Variants in ROBO2 observed in about 807,000 individuals in gnomAD.
The protein encoded by ROBO2 is roundabout homolog 2.
ROBO2 carries 53 observed loss-of-function variants against 160.8 expected under a neutral mutation model. The ratio of observed to expected loss-of-function variants is 0.33; its 90% CI spans 0.26 to 0.41. The LOEUF (loss-of-function observed/expected upper bound fraction) is 0.41. Among genes scored for constraint, ROBO2 ranks in the 10% least tolerant of loss-of-function variants. ROBO2 has a pLI of 1.00. For synonymous variants in ROBO2, 664 were observed against 611.7 expected (o/e 1.09, Z -1.26); for missense variants, 1,577 against 1,722.4 (o/e 0.92, Z 1.49).
chr3:76,725,035 T>G (rs912731334), intron 2 of ROBO2, among the ~76,000 whole-genome samples: 5 of 152,178 alleles, frequency 3.3e-5, no homozygotes, highest in African/African-American at 2.4e-5. Context: ...ATATCCCTGC[T>G]GACAACTTGA....
chr3:77,466,040 T>C (rs1421619580), intron 2 of ROBO2, among the ~76,000 whole-genome samples: 1 of 152,198 alleles, frequency 6.6e-6, no homozygotes, highest in Admixed American at 6.5e-5. Context: ...GAATGTTAAC[T>C]ACTGCATTTG....
intron 2 of ROBO2, among the ~76,000 whole-genome samples, chr3:75,962,882 G>T (rs1948971606): frequency 6.6e-6 from 1 of 151,764 alleles, no homozygotes; most frequent in Non-Finnish European, 1.5e-5. Flanking sequence ...TGTTGTTGTT[G>T]TTGCCGTTTG....
intron 25 of ROBO2, among the ~76,000 whole-genome samples, chr3:77,645,588 C>T (rs2095405026): frequency 6.6e-6 from 1 of 152,138 alleles, no homozygotes; most frequent in Non-Finnish European, 1.5e-5. Flanking sequence ...ATATTTTTAA[C>T]TGCCTCATCA....
chr3:77,115,392 G>A (rs942234244), intron 2 of ROBO2, among the ~76,000 whole-genome samples: 2 of 152,174 alleles, frequency 1.3e-5, no homozygotes, highest in Admixed American at 6.5e-5. Flanking sequence ...ATATATGAGC[G>A]CTATGTCATC....
chr3:77,075,412 G>T (rs948255900), intron 1 of ROBO2, among the ~76,000 whole-genome samples: 2 of 152,056 alleles, frequency 1.3e-5, no homozygotes, highest in Non-Finnish European at 2.9e-5. Flanking sequence ...GACACTACCT[G>T]TTGAGATTAT....
intron 2 of ROBO2, among the ~76,000 whole-genome samples, chr3:77,274,424 A>G (rs772900356): frequency 9.2e-5 from 14 of 152,142 alleles, no homozygotes; most frequent in Non-Finnish European, 1.9e-4. Context: ...TTATTCATGA[A>G]TATAAAATTT....
rs1457938351 is a variant in ROBO2, at chr3:76,689,935, G to A, written c.110-408079G>A. 3.9e-5 allele frequency among the ~76,000 whole-genome samples: 6 copies of A among 152,046 alleles called. No homozygotes were observed. In the South Asian group the frequency reaches 8.3e-4, roughly 21 times the overall value. On this transcript the variant is annotated intron_variant, in intron 2 of 26. Transcript: ENST00000487694. ...TAACCTTCCCTCGGAAATGTATTCC[G>A]TCTTCCATTTTACTCCCTCCTCCTT...
At chr3:76,126,850 A>G (rs2071008389) in intron 2 of ROBO2, among the ~76,000 whole-genome samples, 1 of 152,102 alleles carries the variant, frequency 6.6e-6, no homozygotes, top group African/African-American at 2.4e-5. Context: ...TAGTACCTGG[A>G]ATGGTTGAAG....
At chr3:77,207,636 C>A (rs1172515500) in intron 2 of ROBO2, among the ~76,000 whole-genome samples, 1 of 152,038 alleles carries the variant, frequency 6.6e-6, no homozygotes, top group East Asian at 1.9e-4. Context: ...TGTACAAAAT[C>A]CAAAAGTATT....
intron 2 of ROBO2, among the ~76,000 whole-genome samples, chr3:77,029,846 T>C (rs1431875116): frequency 6.6e-6 from 1 of 152,176 alleles, no homozygotes; most frequent in Non-Finnish European, 1.5e-5. Flanking sequence ...TTAATATACA[T>C]TTTTAAAGAC....
At chr3:77,135,088 T>G (rs774864552) in intron 2 of ROBO2, among the ~76,000 whole-genome samples, 72 of 152,134 alleles carry the variant, frequency 4.7e-4, no homozygotes, top group Non-Finnish European at 7.3e-4. Context: ...TAGATCAGCC[T>G]AGAAGCCCGT....
At chr3:76,821,529 C>G (rs2066118075) in intron 2 of ROBO2, among the ~76,000 whole-genome samples, 1 of 151,912 alleles carries the variant, frequency 6.6e-6, no homozygotes, top group Non-Finnish European at 1.5e-5. Flanking sequence ...AGTTTTTTAA[C>G]TAAAATCTTG....
chr3:75,907,852 CGTGTGTGTGTGTGT>C (rs56058203), intron 1 of ROBO2, among the ~76,000 whole-genome samples: 6 of 148,524 alleles, frequency 4.0e-5, no homozygotes, highest in Admixed American at 6.7e-5. Flanking sequence ...TAATCGTGTG[CGTGTGTGTGTGTGT>C]GTGTGTGTGT....
At chr3:76,209,619 T>A (rs888907837) in intron 2 of ROBO2, among the ~76,000 whole-genome samples, 3 of 151,958 alleles carry the variant, frequency 2.0e-5, no homozygotes, top group Admixed American at 2.0e-4. Flanking sequence ...CATAGGAAGG[T>A]AAGATTGGTG....
At chr3:77,201,469 G>A (rs964738433) in intron 2 of ROBO2, among the ~76,000 whole-genome samples, 5 of 152,080 alleles carry the variant, frequency 3.3e-5, no homozygotes, top group African/African-American at 1.2e-4. Flanking sequence ...TATTTATGAT[G>A]TTACTCTTTG....
intron 2 of ROBO2, among the ~76,000 whole-genome samples, chr3:76,126,931 T>C (rs115499877): frequency 0.011 from 1,616 of 152,298 alleles, 27 homozygotes; most frequent in African/African-American, 0.034. Flanking sequence ...ACTGAGTTTC[T>C]GCTTAATATC....
At chr3:77,387,369 A>G (rs905772929) in intron 2 of ROBO2, among the ~76,000 whole-genome samples, 5 of 151,766 alleles carry the variant, frequency 3.3e-5, no homozygotes, top group Non-Finnish European at 7.4e-5. Flanking sequence ...AAAAAGAAAG[A>G]AAGAGAAGAA....
At chr3:77,555,098 A>G (rs1467328555) in intron 8 of ROBO2, among the ~76,000 whole-genome samples, 2 of 151,998 alleles carry the variant, frequency 1.3e-5, no homozygotes, top group African/African-American at 4.8e-5. Flanking sequence ...TCCATCACCA[A>G]AAAGATTACC....
At chr3:77,393,389 G>A (rs1029806879) in intron 2 of ROBO2, among the ~76,000 whole-genome samples, 12 of 151,966 alleles carry the variant, frequency 7.9e-5, no homozygotes, top group Admixed American at 3.9e-4. Flanking sequence ...TAAAACTTCC[G>A]GAAGACAAAG....
Sources: gnomAD v4.1 joint callset for allele counts (sites outside exome capture counted in the v4.1 genomes callset) on GRCh38, gnomAD v4.1.1 for gene constraint, MANE v1.5 for transcripts, NCBI Gene and HGNC (gene_info 2026-07-23, HGNC 2026-07-21) for gene names.